The following OPCML variants were observed in gnomAD, a reference collection of about 807,000 sequenced individuals.
The protein encoded by OPCML is opioid-binding protein/cell adhesion molecule.
Under a neutral mutation model 37.8 loss-of-function variants are expected in OPCML, and 13 were observed. That is an observed-to-expected ratio of 0.34 (90% confidence interval 0.22 to 0.55). The LOEUF (loss-of-function observed/expected upper bound fraction) is 0.55. OPCML is among the 20% of genes least tolerant of loss of function. The pLI is 0.91. For synonymous variants in OPCML, 176 were observed against 168.8 expected (o/e 1.04, Z -0.33); for missense variants, 341 against 435.6 (o/e 0.78, Z 1.93).
At chr11:133,331,387 A>T (rs1943616386) in intron 1 of OPCML, among the ~76,000 whole-genome samples, 1 of 152,154 alleles carries the variant, frequency 6.6e-6, no homozygotes, top group African/African-American at 2.4e-5. Context: ...ACTCTGGAGG[A>T]GTGTCGCCAT....
At chr11:132,762,952 T>C (rs1331215696) in intron 2 of OPCML, among the ~76,000 whole-genome samples, 1 of 152,116 alleles carries the variant, frequency 6.6e-6, no homozygotes, top group Non-Finnish European at 1.5e-5. Context: ...TGTAGGCACC[T>C]GAAAGAATCT....
intron 1 of OPCML, among the ~76,000 whole-genome samples, chr11:133,170,578 G>T (rs191973731): frequency 7.2e-5 from 11 of 152,108 alleles, no homozygotes; most frequent in African/African-American, 2.4e-4. Context: ...TTGTGAGTGG[G>T]GGTTAGCTTC....
intron 1 of OPCML, among the ~76,000 whole-genome samples, chr11:133,245,243 G>C (rs778191558): frequency 9.2e-5 from 14 of 152,172 alleles, no homozygotes; most frequent in Non-Finnish European, 1.5e-4. Context: ...TTCAAAGATA[G>C]GGATGCACAA....
At position 132,434,985 on chromosome 11, in the gene OPCML, C is replaced by T. The variant is rs551573622; in HGVS notation, c.916+1101G>A. Among the ~76,000 whole-genome samples, 5 of 152,328 alleles carry T rather than the reference C, an allele frequency of 3.3e-5. No individual in the cohort carries two copies. The South Asian group carries it at 1.0e-3, about 32-fold the overall frequency. On this transcript the variant is annotated intron_variant, in intron 7 of 7. Transcript: ENST00000524381. ...TCCACAGAGTGCATTTGAAAGCCAT[C>T]ATATTCTACATGCTTATTATCTAAA...
chr11:132,622,431 G>A (rs1784518), intron 3 of OPCML, among the ~76,000 whole-genome samples: 111,201 of 152,122 alleles, frequency 0.73, 41,214 homozygotes, highest in East Asian at 0.87. Flanking sequence ...CTTGAGATGA[G>A]AAATAAAAAT....
chr11:132,631,401 A>T (rs1940109506), intron 3 of OPCML, among the ~76,000 whole-genome samples: 1 of 148,342 alleles, frequency 6.7e-6, no homozygotes, highest in South Asian at 2.1e-4. Context: ...TATACATAAA[A>T]GATATATATA....
intron 1 of OPCML, among the ~76,000 whole-genome samples, chr11:133,411,999 A>T (rs955885810): frequency 6.6e-6 from 1 of 152,170 alleles, no homozygotes. Context: ...CCCCCTCCAG[A>T]TCTGTCTATC....
intron 1 of OPCML, among the ~76,000 whole-genome samples, chr11:133,194,205 C>CTTTTT (rs34797390): frequency 2.6e-4 from 28 of 106,958 alleles, no homozygotes; most frequent in Non-Finnish European, 4.3e-4. Context: ...CCTTCCCCCA[C>CTTTTT]TTTTTTTTTT....
intron 1 of OPCML, among the ~76,000 whole-genome samples, chr11:133,363,376 C>T (rs894785049): frequency 5.9e-5 from 9 of 152,204 alleles, no homozygotes; most frequent in African/African-American, 1.7e-4. Context: ...TGAGTTCTCT[C>T]TCTTTCAGTA....
chr11:133,480,956 ATGCCAT>A (rs1478464175), intron 1 of OPCML, among the ~76,000 whole-genome samples: 1 of 152,250 alleles, frequency 6.6e-6, no homozygotes, highest in Non-Finnish European at 1.5e-5. Flanking sequence ...ACTTAATTAC[ATGCCAT>A]GGCACCAAGA....
intron 1 of OPCML, among the ~76,000 whole-genome samples, chr11:133,234,304 A>G (rs1940418841): frequency 6.6e-6 from 1 of 152,206 alleles, no homozygotes; most frequent in Non-Finnish European, 1.5e-5. Context: ...ATGAATAACC[A>G]AACCTCTGGT....
At chr11:133,074,219 T>G (rs1041025718) in intron 1 of OPCML, among the ~76,000 whole-genome samples, 1 of 152,238 alleles carries the variant, frequency 6.6e-6, no homozygotes, top group Non-Finnish European at 1.5e-5. Flanking sequence ...TTTATTTTTC[T>G]AAAACCACCA....
At chr11:132,756,501 G>A (rs748085872) in intron 2 of OPCML, among the ~76,000 whole-genome samples, 1 of 152,142 alleles carries the variant, frequency 6.6e-6, no homozygotes, top group African/African-American at 2.4e-5. Flanking sequence ...TCCTAGGTGC[G>A]ACTGTGTTAA....
intron 1 of OPCML, among the ~76,000 whole-genome samples, chr11:133,108,866 A>T (rs1339763812): frequency 6.6e-6 from 1 of 152,208 alleles, no homozygotes; most frequent in Non-Finnish European, 1.5e-5. Flanking sequence ...AGACAGGGAA[A>T]CGCATTCACG....
chr11:133,510,995 G>T (rs1288002750), intron 1 of OPCML, among the ~76,000 whole-genome samples: 1 of 151,924 alleles, frequency 6.6e-6, no homozygotes, highest in Non-Finnish European at 1.5e-5. Context: ...ACATCCAAAG[G>T]AAACTCCTGA....
rs140837207 is a variant in OPCML, at chr11:132,523,550, G to T, written c.505+5511C>A. On this transcript the variant is annotated intron_variant, in intron 4 of 7. Coordinates refer to ENST00000524381, the MANE Select transcript of OPCML (RefSeq NM_001012393.5). The stretch of plus-strand genomic sequence containing the variant: ...GAAGAAATGCGGCTGCTAAAAGACA[G>T]GTGCACTGACTTTAGGAAGAACTGA... Among the ~76,000 whole-genome samples, 57 of 151,050 alleles carry T rather than the reference G, an allele frequency of 3.8e-4. No homozygotes were observed. In the East Asian group the frequency reaches 0.011, roughly 28 times the overall value.
chr11:132,739,071 C>T (rs1945354556), intron 2 of OPCML, among the ~76,000 whole-genome samples: 1 of 152,206 alleles, frequency 6.6e-6, no homozygotes, highest in African/African-American at 2.4e-5. Context: ...CTCCTATCAG[C>T]TCAGAAATGA....
At chr11:132,888,433 A>G (rs527367270) in intron 2 of OPCML, among the ~76,000 whole-genome samples, 26 of 152,276 alleles carry the variant, frequency 1.7e-4, no homozygotes, top group African/African-American at 6.3e-4. Context: ...TCGGTGAGGG[A>G]TGCTCATGGA....
At chr11:133,096,782 T>A (rs1949010014) in intron 1 of OPCML, among the ~76,000 whole-genome samples, 2 of 151,984 alleles carry the variant, frequency 1.3e-5, no homozygotes, top group Non-Finnish European at 2.9e-5. Context: ...GCAAGGTAAG[T>A]CATCAGAGAT....
Sources: gnomAD v4.1 joint callset for allele counts (sites outside exome capture counted in the v4.1 genomes callset) on GRCh38, gnomAD v4.1.1 for gene constraint, MANE v1.5 for transcripts, NCBI Gene and HGNC (gene_info 2026-07-23, HGNC 2026-07-21) for gene names.